The following RUNX1 variants were observed in gnomAD, a reference collection of about 807,000 sequenced individuals.
RUNX1 encodes RUNX family transcription factor 1.
In RUNX1, 19 loss-of-function variants were observed where a neutral mutation model predicts 42.8. That is an observed-to-expected ratio of 0.44 (90% CI 0.31 to 0.65). RUNX1 has a LOEUF of 0.65. Among genes scored for constraint, RUNX1 ranks in the 30% least tolerant of loss-of-function variants. The pLI, the probability that RUNX1 is intolerant of heterozygous loss-of-function variation, is 0.07. For missense variants in RUNX1, 528 were observed against 672.0 expected, an observed-to-expected ratio of 0.79 and a Z score of 2.37; for synonymous variants, 271 against 289.4, an observed-to-expected ratio of 0.94 and a Z score of 0.64.
chr21:34,977,285 G>C (rs1199233370), intron 2 of RUNX1, among the ~76,000 whole-genome samples: 6 of 152,176 alleles, frequency 3.9e-5, no homozygotes, highest in Admixed American at 6.5e-5. Flanking sequence ...CTGAAGAAGG[G>C]AATTTTGAGC....
At chr21:34,886,807 C>CCG (rs780179911) in intron 4 of RUNX1, 36 bp downstream of exon 4, 51 of 1,611,152 alleles carry the variant, frequency 3.2e-5, no homozygotes, top group Non-Finnish European at 4.2e-5. Context: ...TCGCCGGCCT[C>CCG]CGCCTGTCCT....
intron 8 of RUNX1, among the ~76,000 whole-genome samples, chr21:34,795,170 C>CAAA (rs1359696615): frequency 2.6e-5 from 4 of 152,190 alleles, no homozygotes; most frequent in African/African-American, 9.7e-5. Flanking sequence ...TGGCCTGTGT[C>CAAA]CTTTTGAGTT....
chr21:34,814,929 C>G (rs748842025), intron 7 of RUNX1, among the ~76,000 whole-genome samples: 1 of 152,134 alleles, frequency 6.6e-6, no homozygotes, highest in Non-Finnish European at 1.5e-5. Flanking sequence ...GACTGACTCT[C>G]TCTCTCTCAT....
At chr21:35,044,556 T>C (rs2059383025) in intron 2 of RUNX1, among the ~76,000 whole-genome samples, 1 of 152,208 alleles carries the variant, frequency 6.6e-6, no homozygotes, top group African/African-American at 2.4e-5. Context: ...TATATGCTAT[T>C]TGATGAAAGC....
At chr21:35,047,901 A>G (rs2059412257) in intron 2 of RUNX1, among the ~76,000 whole-genome samples, 1 of 152,136 alleles carries the variant, frequency 6.6e-6, no homozygotes, top group South Asian at 2.1e-4. Flanking sequence ...ATTTTATGTT[A>G]TTATTTTTGT....
intron 2 of RUNX1, among the ~76,000 whole-genome samples, chr21:34,929,143 C>T (rs2058421133): frequency 6.6e-6 from 1 of 152,258 alleles, no homozygotes; most frequent in African/African-American, 2.4e-5. Context: ...CTTTCAAATT[C>T]AGTAATGCAA....
chr21:34,871,586 C>T (rs192027780), intron 5 of RUNX1, among the ~76,000 whole-genome samples: 71 of 152,202 alleles, frequency 4.7e-4, no homozygotes, highest in Middle Eastern at 3.4e-3. Flanking sequence ...AATCATCGTG[C>T]CCTGAATCTC....
intron 7 of RUNX1, among the ~76,000 whole-genome samples, chr21:34,804,296 C>A (rs1327235370): frequency 6.6e-6 from 1 of 152,152 alleles, no homozygotes; most frequent in African/African-American, 2.4e-5. Flanking sequence ...CAGATTCTCA[C>A]AGGATCCAAT....
chr21:34,914,115 C>T (rs549170697), intron 2 of RUNX1, among the ~76,000 whole-genome samples: 7 of 152,298 alleles, frequency 4.6e-5, no homozygotes, highest in African/African-American at 1.2e-4. Context: ...TCCATCAAAA[C>T]GTGGTTTGCT....
At chr21:35,033,625 A>C (rs1243605944) in intron 2 of RUNX1, among the ~76,000 whole-genome samples, 2 of 152,236 alleles carry the variant, frequency 1.3e-5, no homozygotes, top group African/African-American at 4.8e-5. Context: ...GGAGAAATTC[A>C]AGTTGTTCAA....
At chr21:34,955,221 G>A (rs763327830) in intron 2 of RUNX1, among the ~76,000 whole-genome samples, 24 of 151,934 alleles carry the variant, frequency 1.6e-4, no homozygotes, top group Non-Finnish European at 2.8e-4. Flanking sequence ...TTTGTGGGTG[G>A]GAGGAAGTCT....
intron 5 of RUNX1, among the ~76,000 whole-genome samples, chr21:34,863,646 C>T (rs960229488): frequency 6.7e-6 from 1 of 150,304 alleles, no homozygotes; most frequent in Non-Finnish European, 1.5e-5. Flanking sequence ...CCTCTGCCTC[C>T]CGGGTTCAAG....
At chr21:34,974,641 T>C (rs571273276) in intron 2 of RUNX1, among the ~76,000 whole-genome samples, 2 of 151,604 alleles carry the variant, frequency 1.3e-5, no homozygotes, top group South Asian at 4.2e-4. Flanking sequence ...GCACCAGCTT[T>C]GTGATGCCAA....
chr21:34,964,391 G>A (rs1275462638), intron 2 of RUNX1, among the ~76,000 whole-genome samples: 1 of 151,896 alleles, frequency 6.6e-6, no homozygotes, highest in Non-Finnish European at 1.5e-5. Context: ...GGGAGGCTGA[G>A]GCAGGAGAAC....
intron 5 of RUNX1, among the ~76,000 whole-genome samples, chr21:34,879,206 T>A (rs1380195565): frequency 6.6e-6 from 1 of 152,232 alleles, no homozygotes; most frequent in Non-Finnish European, 1.5e-5. Flanking sequence ...TGGGGACTTT[T>A]AATACAACAA....
intron 2 of RUNX1, among the ~76,000 whole-genome samples, chr21:34,895,464 G>C (rs1237417414): frequency 6.6e-6 from 1 of 152,242 alleles, no homozygotes; most frequent in African/African-American, 2.4e-5. Context: ...AAGAGGAAGA[G>C]GGGCCAACAG....
In RUNX1 at chr21:34,891,367, G is replaced by A. The variant is rs557955567; in HGVS notation, c.97+1558C>T. On this transcript the variant is annotated intron_variant, in intron 3 of 8. Transcript: ENST00000675419. ...GACATTTGGGTTTCCCCGGAGCGGC[G>A]CAGGCTGTTAACTGCGCAGCGCGGT... Among the ~76,000 whole-genome samples, 396 of 152,280 alleles carry A rather than the reference G, an allele frequency of 2.6e-3. 4 individuals are homozygous for A. The highest frequency in any genetic ancestry group is 8.9e-3 in the African/African-American group (370 of 41,550).
At chr21:34,874,545 G>A (rs764449673) in intron 5 of RUNX1, among the ~76,000 whole-genome samples, 69 of 141,440 alleles carry the variant, frequency 4.9e-4, no homozygotes, top group South Asian at 4.5e-4. Context: ...GGGAGGTGGA[G>A]GTTGCAGTGA....
At chr21:34,987,380 C>G (rs911804516) in intron 2 of RUNX1, among the ~76,000 whole-genome samples, 2 of 152,172 alleles carry the variant, frequency 1.3e-5, no homozygotes, top group African/African-American at 4.8e-5. Flanking sequence ...ATCTTCGGGG[C>G]TCCAGACAGC....
Sources: gnomAD v4.1 joint callset for allele counts (sites outside exome capture counted in the v4.1 genomes callset) on GRCh38, gnomAD v4.1.1 for gene constraint, MANE v1.5 for transcripts, NCBI Gene and HGNC (gene_info 2026-07-23, HGNC 2026-07-21) for gene names.